The following NXNL2 variants were observed in gnomAD, a reference collection of about 807,000 sequenced individuals.
NXNL2 encodes the protein nucleoredoxin-like protein 2.
A neutral mutation model predicts 11.1 loss-of-function variants in NXNL2; 7 were observed. The ratio of observed to expected loss-of-function variants is 0.63; its 90% CI spans 0.36 to 1.18. The LOEUF (loss-of-function observed/expected upper bound fraction) is 1.18, where lower values mean the gene tolerates loss of function less well. NXNL2 is among the 50% of genes most tolerant of loss of function. The probability of loss-of-function intolerance (pLI) is 0.02; values close to 1 mark genes in which losing one functional copy is unlikely to be tolerated. For synonymous variants in NXNL2, 109 were observed against 101.8 expected, an observed-to-expected ratio of 1.07 and a Z score of -0.42; for missense variants, 233 against 217.7, an observed-to-expected ratio of 1.07 and a Z score of -0.44.
intron 1 of NXNL2, among the ~76,000 whole-genome samples, chr9:88,564,250 C>G (rs1228236283): frequency 7.5e-6 from 1 of 133,856 alleles, no homozygotes; most frequent in Admixed American, 7.7e-5. Flanking sequence ...GTCTATCTAT[C>G]TATCTATCTA....
At chr9:88,557,089 A>G (rs553912275) in intron 1 of NXNL2, among the ~76,000 whole-genome samples, 2 of 151,250 alleles carry the variant, frequency 1.3e-5, no homozygotes, top group East Asian at 3.9e-4. Context: ...TCAAAAAAAA[A>G]AAAAAAAAAA....
rs867525547 is a variant in NXNL2 at position 88,544,716 on chromosome 9, A to G, written c.*169A>G. ...GCAACTATTGCTCAGGAAATAATAC[A>G]CTCCATATTTTGATCATGCAGGCTG... is the stretch of plus-strand genomic sequence containing the variant. On this transcript the variant is annotated 3_prime_UTR_variant, in exon 2 of 2. Coordinates refer to ENST00000375854, the MANE Select transcript of NXNL2 (RefSeq NM_001161625.2). 1 of 1,387,514 alleles carries G rather than the reference A, an allele frequency of 7.2e-7. No individual in the cohort carries two copies. The highest frequency in any genetic ancestry group is 9.3e-7 in the Non-Finnish European group (1 of 1,074,504). The allele number at this position is 1,387,514 out of a possible 1,614,324, so 86.0% of individuals were successfully genotyped here. A position where few individuals can be genotyped will look rare whatever the true frequency, so the allele number is the denominator to read the frequency against.
chr9:88,543,585 T>C (rs1202556299), intron 1 of NXNL2, among the ~76,000 whole-genome samples: 1 of 152,188 alleles, frequency 6.6e-6, no homozygotes, highest in African/African-American at 2.4e-5. Context: ...ACTTTTACCA[T>C]TATATGTACC....
At chr9:88,560,784 C>A (rs557088191) in intron 1 of NXNL2, among the ~76,000 whole-genome samples, 1 of 152,204 alleles carries the variant, frequency 6.6e-6, no homozygotes, top group South Asian at 2.1e-4. Flanking sequence ...AGACAACAAG[C>A]CTGGGAATGT....
intron 1 of NXNL2, among the ~76,000 whole-genome samples, chr9:88,559,569 C>T (rs183755613): frequency 1.3e-5 from 2 of 152,310 alleles, no homozygotes; most frequent in South Asian, 2.1e-4. Flanking sequence ...TAGGCCTGTC[C>T]CTTGAATGGG....
chr9:88,538,427 C>G (rs1188184585), intron 1 of NXNL2: 1 of 152,250 alleles, frequency 6.6e-6, no homozygotes, highest in African/African-American at 2.4e-5. Flanking sequence ...ACCCATCAGC[C>G]AGAAGATGGT....
At chr9:88,569,497 A>G (rs1184358035) in intron 1 of NXNL2, among the ~76,000 whole-genome samples, 2 of 152,144 alleles carry the variant, frequency 1.3e-5, no homozygotes, top group Non-Finnish European at 2.9e-5. Flanking sequence ...ATAATTTTTC[A>G]TCTCTTCGGG....
chr9:88,573,212 CA>C lies in NXNL2; in HGVS notation c.*17-1874del, dbSNP rs568547409. On this transcript the variant is annotated intron_variant, in intron 2 of 2. Transcript: ENST00000375855. ...AGGCTGGAGTGCAGTGGTAAGATCT[CA>C]GCTCATTGCAGCCTCTACCTCCTGG... Among the ~76,000 whole-genome samples, 859 of 151,842 alleles carry C rather than the reference CA, an allele frequency of 5.7e-3. 7 individuals carry two copies. Among genetic ancestry groups the C allele is most frequent in the African/African-American group, 0.02 (823 of 41,378 alleles).
intron 1 of NXNL2, among the ~76,000 whole-genome samples, chr9:88,580,968 A>C (rs1426664623): frequency 1.3e-5 from 2 of 152,176 alleles, no homozygotes; most frequent in Non-Finnish European, 2.9e-5. Context: ...TTTTGCAAGA[A>C]TATCATAAGA....
At chr9:88,553,924 C>A (rs559346375) in intron 1 of NXNL2, among the ~76,000 whole-genome samples, 3 of 152,246 alleles carry the variant, frequency 2.0e-5, no homozygotes, top group Admixed American at 2.0e-4. Context: ...TATGTGTTGT[C>A]ATGATTTTGT....
downstream of NXNL2, among the ~76,000 whole-genome samples, chr9:88,578,629 C>T (rs1587858740): frequency 1.3e-5 from 2 of 152,314 alleles, no homozygotes; most frequent in African/African-American, 4.8e-5. Context: ...AGCCAGGAGC[C>T]GCCGGCCCGG....
At chr9:88,558,207 T>A (rs1830043420) in intron 1 of NXNL2, among the ~76,000 whole-genome samples, 1 of 152,094 alleles carries the variant, frequency 6.6e-6, no homozygotes, top group African/African-American at 2.4e-5. Flanking sequence ...GGCTGAAGAT[T>A]GAGTTGACCA....
chr9:88,559,558 G>A (rs537191032), intron 1 of NXNL2, among the ~76,000 whole-genome samples: 8 of 152,310 alleles, frequency 5.3e-5, no homozygotes, highest in African/African-American at 1.2e-4. Context: ...CCTGCCATCC[G>A]TAGGCCTGTC....
intron 1 of NXNL2, among the ~76,000 whole-genome samples, chr9:88,535,962 C>T (rs766272794): frequency 6.6e-6 from 1 of 152,216 alleles, no homozygotes; most frequent in Non-Finnish European, 1.5e-5. Context: ...GGCATCGGCA[C>T]CCCAAGGGGG....
chr9:88,542,103 G>A (rs1213808185), intron 1 of NXNL2, among the ~76,000 whole-genome samples: 3 of 150,994 alleles, frequency 2.0e-5, no homozygotes, highest in Non-Finnish European at 4.4e-5. Flanking sequence ...CATGGTGGTG[G>A]GCGCCTGTAG....
chr9:88,568,779 G>T (rs966726195), intron 1 of NXNL2, among the ~76,000 whole-genome samples: 3 of 152,164 alleles, frequency 2.0e-5, no homozygotes, highest in South Asian at 2.1e-4. Context: ...GTTCAGAAGA[G>T]AATCCTGTTG....
Position 88,535,352 on chromosome 9 carries a change from C to A in NXNL2, c.-83C>A. The A allele has an allele frequency of 1.5e-6, 2 of 1,369,130 alleles. No individual in the cohort carries two copies. The highest frequency in any genetic ancestry group is 5.4e-5 in the Admixed American group (2 of 36,808). The allele number at this position is 1,369,130 out of a possible 1,614,324, so 84.8% of individuals were successfully genotyped here. A position where few individuals can be genotyped will look rare whatever the true frequency, so the allele number is the denominator to read the frequency against. ...CGGTGGTGCGGACAGAGGCGGGGCA[C>A]CGCGGCGCTCGCCGCCGCCTCCCCG... On this transcript the variant is annotated 5_prime_UTR_variant, in exon 1 of 2. Coordinates refer to ENST00000375854, the MANE Select transcript of NXNL2 (RefSeq NM_001161625.2).
chr9:88,536,129 C>T (rs956009549), intron 1 of NXNL2, among the ~76,000 whole-genome samples: 1 of 152,184 alleles, frequency 6.6e-6, no homozygotes, highest in Non-Finnish European at 1.5e-5. Flanking sequence ...GGCGCCGCTG[C>T]GTCATCCTCC....
intron 1 of NXNL2, among the ~76,000 whole-genome samples, chr9:88,559,998 G>C (rs1427005399): frequency 6.6e-6 from 1 of 152,062 alleles, no homozygotes; most frequent in South Asian, 2.1e-4. Context: ...CCCTGTCCTG[G>C]CCCTGCTGCG....
Sources: gnomAD v4.1 joint callset for allele counts (sites outside exome capture counted in the v4.1 genomes callset) on GRCh38, gnomAD v4.1.1 for gene constraint, MANE v1.5 for transcripts, NCBI Gene and HGNC (gene_info 2026-07-23, HGNC 2026-07-21) for gene names.